The following FGGY variants were observed in gnomAD, a reference collection of about 807,000 sequenced individuals.
The protein encoded by FGGY is FGGY carbohydrate kinase domain-containing protein.
A neutral mutation model predicts 71.3 loss-of-function variants in FGGY; 72 were observed. The observed-to-expected ratio is 1.01, with a 90% confidence interval of 0.84 to 1.23. The LOEUF (loss-of-function observed/expected upper bound fraction) is 1.23. FGGY is among the 50% of genes most tolerant of loss of function. FGGY has a pLI of 0.00. For missense variants in FGGY, 668 were observed against 682.3 expected (o/e 0.98, Z 0.23); for synonymous variants, 251 against 250.3 (o/e 1.00, Z -0.02).
chr1:59,519,145 C>T (rs530390894), intron 7 of FGGY, among the ~76,000 whole-genome samples: 45 of 152,304 alleles, frequency 3.0e-4, no homozygotes, highest in South Asian at 1.2e-3. Context: ...ATGAGAGATG[C>T]GTGACTTAAG....
intron 5 of FGGY, among the ~76,000 whole-genome samples, chr1:59,412,066 A>G (rs2063686284): frequency 1.3e-5 from 2 of 152,202 alleles, no homozygotes; most frequent in African/African-American, 4.8e-5. Flanking sequence ...TCTTGGCCCC[A>G]TATCAGATCT....
chr1:59,762,568 T>A lies in FGGY; in HGVS notation c.1640T>A (p.Ile547Asn). The A allele has an allele frequency of 6.2e-7, 1 of 1,613,822 alleles. No homozygotes were observed. Among genetic ancestry groups the A allele is most frequent in the Non-Finnish European group, 8.5e-7 (1 of 1,179,820 alleles). ...LVEHQKEYLAIMNDD is the reference protein window; with the variant it reads ...LVEHQKEYLANMNDD ...GAACACCAGAAGGAGTATTTGGCGA[T>A]CATGAATGATGACTGAACAGGGCTT... Residue 547 changes from isoleucine (I) to asparagine (N), a missense_variant, in exon 16 of 16, where the codon ATC becomes AAC. By Grantham distance (149) the Ile-to-Asn change is moderately radical. Around this residue, in one of 2 missense-constraint regions of FGGY, gnomAD observed 661 missense variants for 661.6 expected, o/e 1.00. Transcript: ENST00000303721.
chr1:59,558,036 C>T (rs978196809), intron 8 of FGGY, among the ~76,000 whole-genome samples: 12 of 152,114 alleles, frequency 7.9e-5, no homozygotes, highest in Non-Finnish European at 1.5e-4. Context: ...TAGGCTCATA[C>T]GCTGCCCCCA....
intron 14 of FGGY, among the ~76,000 whole-genome samples, chr1:59,719,118 G>A (rs1291208069): frequency 6.6e-6 from 1 of 152,176 alleles, no homozygotes; most frequent in Non-Finnish European, 1.5e-5. Context: ...CTTCTCAAGG[G>A]CCTGTCCCTG....
At chr1:59,494,926 A>G (rs1442797635) in intron 6 of FGGY, among the ~76,000 whole-genome samples, 1 of 152,200 alleles carries the variant, frequency 6.6e-6, no homozygotes, top group African/African-American at 2.4e-5. Context: ...AGAAATCACC[A>G]AAGTGCTTTC....
At chr1:59,583,638 C>T (rs142688954) in intron 8 of FGGY, among the ~76,000 whole-genome samples, 1 of 142,132 alleles carries the variant, frequency 7.0e-6, no homozygotes, top group African/African-American at 2.8e-5. Flanking sequence ...GGCATTTCCT[C>T]AATGGGAGAG....
intron 10 of FGGY, among the ~76,000 whole-genome samples, chr1:59,627,072 T>A (rs12068091): frequency 0.031 from 4,677 of 151,842 alleles, 239 homozygotes; most frequent in African/African-American, 0.11. Context: ...AGGTGATAGA[T>A]AACCAGGATA....
intron 12 of FGGY, 50 bp downstream of exon 12, chr1:59,660,343 C>T (rs1163330164): frequency 1.4e-6 from 2 of 1,390,178 alleles, no homozygotes; most frequent in African/African-American, 2.8e-5. Context: ...CATCAGTATA[C>T]TCTAGGCCAC....
chr1:59,592,545 A>T (rs1411066063), intron 8 of FGGY, among the ~76,000 whole-genome samples: 1 of 152,216 alleles, frequency 6.6e-6, no homozygotes, highest in Non-Finnish European at 1.5e-5. Context: ...CAAATGTCCA[A>T]CAATGATAGA....
chr1:59,607,583 T>C (rs2096635404), intron 8 of FGGY, among the ~76,000 whole-genome samples: 1 of 152,170 alleles, frequency 6.6e-6, no homozygotes, highest in Non-Finnish European at 1.5e-5. Flanking sequence ...TCAGTTTCTT[T>C]CCAAAATGAC....
At chr1:59,507,634 C>T (rs539034514) in intron 6 of FGGY, among the ~76,000 whole-genome samples, 6 of 151,190 alleles carry the variant, frequency 4.0e-5, no homozygotes, top group Admixed American at 2.0e-4. Flanking sequence ...TCTCCTGCTT[C>T]AGCCTCCCAA....
At chr1:59,579,530 G>C (rs1217116369) in intron 8 of FGGY, among the ~76,000 whole-genome samples, 20 of 152,144 alleles carry the variant, frequency 1.3e-4, no homozygotes, top group Admixed American at 1.3e-3. Context: ...CCTAGAACAT[G>C]AAAGAACAAT....
intron 14 of FGGY, among the ~76,000 whole-genome samples, chr1:59,729,725 A>G (rs2098000333): frequency 6.6e-6 from 1 of 152,180 alleles, no homozygotes; most frequent in Non-Finnish European, 1.5e-5. Flanking sequence ...AAGGAAAAGC[A>G]TTCTATAATC....
intron 1 of FGGY, among the ~76,000 whole-genome samples, chr1:59,298,704 C>T (rs2042323822): frequency 1.3e-5 from 2 of 152,080 alleles, no homozygotes; most frequent in Non-Finnish European, 2.9e-5. Context: ...TGAATCTTGC[C>T]CTTAATCTCC....
intron 14 of FGGY, among the ~76,000 whole-genome samples, chr1:59,715,133 G>T (rs1558884656): frequency 6.6e-6 from 1 of 152,160 alleles, no homozygotes; most frequent in Non-Finnish European, 1.5e-5. Context: ...TTTGTTAAGA[G>T]TCAGGGCATG....
intron 14 of FGGY, among the ~76,000 whole-genome samples, chr1:59,686,015 C>T (rs1206762385): frequency 6.6e-6 from 1 of 152,170 alleles, no homozygotes; most frequent in Non-Finnish European, 1.5e-5. Context: ...TAAAAATGAA[C>T]TTAGAAATCC....
intron 7 of FGGY, among the ~76,000 whole-genome samples, chr1:59,531,923 A>G (rs1188346310): frequency 6.6e-6 from 1 of 152,224 alleles, no homozygotes; most frequent in African/African-American, 2.4e-5. Context: ...TATCCTTTCT[A>G]GAGGTAGGTA....
In FGGY at chr1:59,517,254, CTTTTTTTTTTT is replaced by C. The variant is rs57951011; in HGVS notation, c.799+4834_799+4844del. 6.6e-4 allele frequency among the ~76,000 whole-genome samples: 58 copies of C among 87,652 alleles called. 1 individual carries two copies. Among genetic ancestry groups the C allele is most frequent in the Admixed American group, 8.1e-4 (6 of 7,380 alleles). The allele number at this position is 87,652 out of a possible 152,430, so 57.5% of individuals were successfully genotyped here. A position where few individuals can be genotyped will look rare whatever the true frequency, so the allele number is the denominator to read the frequency against. On this transcript the variant is annotated intron_variant, in intron 7 of 15. Transcript: ENST00000303721. ...TCAGGCCCTTCTCTTCTCAGTTGCT[CTTTTTTTTTTT>C]TTTTTTTTTTTTTTTTTTGAGACGG...
At chr1:59,521,497 C>T (rs976953034) in intron 7 of FGGY, among the ~76,000 whole-genome samples, 1 of 152,108 alleles carries the variant, frequency 6.6e-6, no homozygotes, top group Non-Finnish European at 1.5e-5. Context: ...AAATCTTGTG[C>T]CACACGTCAG....
Sources: gnomAD v4.1 joint callset for allele counts (sites outside exome capture counted in the v4.1 genomes callset) on GRCh38, gnomAD v4.1.1 for gene constraint, gnomAD v4.1.1 regional missense constraint, MANE v1.5 for transcripts, NCBI Gene and HGNC (gene_info 2026-07-23, HGNC 2026-07-21) for gene names.